The following SLC24A3 variants were observed in gnomAD, a reference collection of about 807,000 sequenced individuals.
SLC24A3 encodes sodium/potassium/calcium exchanger 3.
SLC24A3 carries 28 observed loss-of-function variants against 75.8 expected under a neutral mutation model. The ratio of observed to expected loss-of-function variants is 0.37; its 90% confidence interval spans 0.27 to 0.51. The LOEUF is 0.51. Among genes scored for constraint, SLC24A3 ranks in the 20% least tolerant of loss-of-function variants. The pLI, the probability that SLC24A3 is intolerant of heterozygous loss-of-function variation, is 0.94. For missense variants in SLC24A3, 663 were observed against 847.8 expected, an observed-to-expected ratio of 0.78 and a Z score of 2.71; for synonymous variants, 372 against 334.1, an observed-to-expected ratio of 1.11 and a Z score of -1.24.
intron 2 of SLC24A3, among the ~76,000 whole-genome samples, chr20:19,414,824 C>T (rs986690323): frequency 6.6e-6 from 1 of 152,140 alleles, no homozygotes; most frequent in Non-Finnish European, 1.5e-5. Flanking sequence ...GGACAAATAA[C>T]CTGTAAATTA....
At chr20:19,367,460 AAAAC>A (rs1438524591) in intron 2 of SLC24A3, among the ~76,000 whole-genome samples, 4 of 151,028 alleles carry the variant, frequency 2.6e-5, no homozygotes, top group Non-Finnish European at 4.4e-5. Context: ...GCAGAGACGT[AAAAC>A]AAACAAACAA....
At chr20:19,645,597 C>T (rs1441550548) in intron 6 of SLC24A3, among the ~76,000 whole-genome samples, 1 of 152,166 alleles carries the variant, frequency 6.6e-6, no homozygotes, top group African/African-American at 2.4e-5. Flanking sequence ...AGCGGCTCCA[C>T]AGTGACACAA....
At chr20:19,698,186 G>A (rs375676371) in intron 14 of SLC24A3, among the ~76,000 whole-genome samples, 1 of 152,158 alleles carries the variant, frequency 6.6e-6, no homozygotes, top group Admixed American at 6.5e-5. Flanking sequence ...ACCAATGGGG[G>A]ATGGTGTTAA....
At chr20:19,284,377 A>C (rs1409616649) in intron 2 of SLC24A3, 2 of 152,848 alleles carry the variant, frequency 1.3e-5, no homozygotes, top group Non-Finnish European at 2.9e-5. Flanking sequence ...CACAATGAAT[A>C]CTACTTGTGC....
chr20:19,552,940 A>G (rs1237445029), intron 3 of SLC24A3, among the ~76,000 whole-genome samples: 1 of 152,064 alleles, frequency 6.6e-6, no homozygotes. Context: ...TGTCCTGTGC[A>G]GTGCGGGCCT....
At chr20:19,431,924 A>G (rs1272170845) in intron 2 of SLC24A3, among the ~76,000 whole-genome samples, 1 of 151,846 alleles carries the variant, frequency 6.6e-6, no homozygotes, top group African/African-American at 2.4e-5. Flanking sequence ...TGGTGAGGGG[A>G]GCTTTAAACA....
chr20:19,713,865 C>G (rs2033015150), intron 15 of SLC24A3, among the ~76,000 whole-genome samples: 1 of 152,158 alleles, frequency 6.6e-6, no homozygotes, highest in South Asian at 2.1e-4. Context: ...AGTTACCCAT[C>G]CATGATGATA....
chr20:19,334,663 A>C (rs1478454531), intron 2 of SLC24A3, among the ~76,000 whole-genome samples: 1 of 152,130 alleles, frequency 6.6e-6, no homozygotes, highest in East Asian at 1.9e-4. Context: ...CAATTAAGGG[A>C]ATTTCAGCAA....
intron 5 of SLC24A3, 53 bp from the exon 6 acceptor site, chr20:19,585,388 T>C (rs2031280301): frequency 6.4e-7 from 1 of 1,559,158 alleles, no homozygotes; most frequent in East Asian, 2.2e-5. Flanking sequence ...CATGCCCACC[T>C]TGGAATGCAA....
chr20:19,576,475 A>G lies in SLC24A3; in HGVS notation c.349-3525A>G, dbSNP rs117354332. Among the ~76,000 whole-genome samples the G allele has an allele frequency of 6.3e-3, 952 of 152,224 alleles. 7 individuals carry two copies. The highest frequency in any genetic ancestry group is 0.031 in the Middle Eastern group (9 of 294). ...GTTTTGTAGCCAGAGTGGCAGGCCC[A>G]CCGTCAGGTGCCAGGAAGGGCTCTG... On this transcript the variant is annotated intron_variant, in intron 3 of 16. Transcript: ENST00000328041.
At chr20:19,711,969 T>C (rs1168039428) in intron 15 of SLC24A3, among the ~76,000 whole-genome samples, 1 of 147,566 alleles carries the variant, frequency 6.8e-6, no homozygotes, top group Non-Finnish European at 1.5e-5. Flanking sequence ...TTGTTTGGGG[T>C]AGGGTTTTGC....
chr20:19,632,814 A>T (rs1293451415), intron 6 of SLC24A3, among the ~76,000 whole-genome samples: 1 of 152,192 alleles, frequency 6.6e-6, no homozygotes, highest in Non-Finnish European at 1.5e-5. Context: ...CCCGTCCTAG[A>T]AAGTCTATTA....
intron 2 of SLC24A3, among the ~76,000 whole-genome samples, chr20:19,369,272 G>A (rs1985949662): frequency 6.6e-6 from 1 of 152,178 alleles, no homozygotes; most frequent in South Asian, 2.1e-4. Flanking sequence ...CTGATGAAGG[G>A]CAGCACAGTG....
intron 1 of SLC24A3, among the ~76,000 whole-genome samples, chr20:19,222,762 C>A (rs1294915108): frequency 1.3e-5 from 1 of 76,316 alleles, no homozygotes; most frequent in African/African-American, 4.5e-5. Context: ...TTCTTCCTTC[C>A]CTCCTCCCCT....
At chr20:19,572,188 C>T (rs1210640566) in intron 3 of SLC24A3, among the ~76,000 whole-genome samples, 4 of 151,902 alleles carry the variant, frequency 2.6e-5, no homozygotes, top group Non-Finnish European at 4.4e-5. Flanking sequence ...AAAAATGTTA[C>T]GTAAAAAAAC....
rs538558057 is a variant in SLC24A3, at chr20:19,665,847, T to C, written c.688-17T>C. ...TGTGTGTGTGTCTAATCTTCTATTCTTTTTATTTTTTCACAGTTTATTTAT... is the reference window on the plus strand; with the variant it reads ...TGTGTGTGTGTCTAATCTTCTATTCCTTTTATTTTTTCACAGTTTATTTAT... On this transcript the variant is annotated splice_polypyrimidine_tract_variant and intron_variant, in intron 7 of 16. Transcript: ENST00000328041. 5 of 1,593,636 alleles carry C rather than the reference T, an allele frequency of 3.1e-6. No homozygotes were observed. The African/African-American group carries it at 4.0e-5, about 13-fold the overall frequency.
chr20:19,543,045 G>A (rs2030528545), intron 3 of SLC24A3, among the ~76,000 whole-genome samples: 1 of 152,220 alleles, frequency 6.6e-6, no homozygotes, highest in Non-Finnish European at 1.5e-5. Context: ...CTGAGACACA[G>A]TAAGTGCTCA....
chr20:19,346,119 T>TG (rs1985399863), intron 2 of SLC24A3, among the ~76,000 whole-genome samples: 2 of 69,086 alleles, frequency 2.9e-5, no homozygotes, highest in African/African-American at 1.9e-4. Context: ...GGTGTGTGTG[T>TG]GTGTGTATAT....
intron 3 of SLC24A3, among the ~76,000 whole-genome samples, chr20:19,539,981 G>A (rs547997230): frequency 2.2e-4 from 34 of 152,268 alleles, no homozygotes; most frequent in African/African-American, 8.2e-4. Flanking sequence ...AGATGGAGAG[G>A]GAGAAAGTGA....
Sources: gnomAD v4.1 joint callset for allele counts (sites outside exome capture counted in the v4.1 genomes callset) on GRCh38, gnomAD v4.1.1 for gene constraint, MANE v1.5 for transcripts, NCBI Gene and HGNC (gene_info 2026-07-23, HGNC 2026-07-21) for gene names.